The following UNC13B variants were observed in gnomAD, a reference collection of about 807,000 sequenced individuals.
UNC13B encodes the protein unc-13 homolog B.
In UNC13B, 144 loss-of-function variants were observed where a neutral mutation model predicts 211.0. That is an observed-to-expected ratio of 0.68 (90% confidence interval 0.60 to 0.78). The LOEUF is 0.78. Among genes scored for constraint, UNC13B ranks in the 30% least tolerant of loss-of-function variants. The pLI is 0.00. For synonymous variants in UNC13B, 709 were observed against 725.8 expected (o/e 0.98, Z 0.37); for missense variants, 1,777 against 2,002.0 (o/e 0.89, Z 2.14).
intron 6 of UNC13B, among the ~76,000 whole-genome samples, chr9:35,243,882 TG>T (rs1192655184): frequency 6.6e-6 from 1 of 152,098 alleles, no homozygotes; most frequent in Non-Finnish European, 1.5e-5. Flanking sequence ...ATGATAAATT[TG>T]TTTATTTTGG....
intron 6 of UNC13B, among the ~76,000 whole-genome samples, chr9:35,244,959 C>T (rs558767234): frequency 4.5e-4 from 68 of 152,306 alleles, no homozygotes; most frequent in African/African-American, 1.5e-3. Context: ...AGCTGTATAA[C>T]TCTTCTCATG....
intron 7 of UNC13B, among the ~76,000 whole-genome samples, chr9:35,276,960 T>A (rs907142450): frequency 6.6e-6 from 1 of 152,200 alleles, no homozygotes; most frequent in Non-Finnish European, 1.5e-5. Flanking sequence ...CTCATCATTA[T>A]CCTTTAGTAT....
intron 1 of UNC13B, among the ~76,000 whole-genome samples, chr9:35,221,489 G>C (rs1296313917): frequency 6.6e-6 from 1 of 152,144 alleles, no homozygotes; most frequent in Non-Finnish European, 1.5e-5. Context: ...TTAATCACTT[G>C]TCAGAAGAAT....
rs181589154 is a variant in UNC13B, at chr9:35,281,202, A to G, written c.527-14494A>G. 2.6e-4 allele frequency among the ~76,000 whole-genome samples: 39 copies of G among 150,596 alleles called. No individual in the cohort carries two copies. In the East Asian group the frequency reaches 6.6e-3, roughly 26 times the overall value. ...GAGACGGAGGTTGCAGTGAGCCGAGATCACGCCACTGCACTCCAGCCTGGT... is the reference window on the plus strand; with the variant it reads ...GAGACGGAGGTTGCAGTGAGCCGAGGTCACGCCACTGCACTCCAGCCTGGT... On this transcript the variant is annotated intron_variant, in intron 7 of 39. Coordinates refer to ENST00000635942, the MANE Select transcript of UNC13B (RefSeq NM_001371189.2).
intron 1 of UNC13B, among the ~76,000 whole-genome samples, chr9:35,225,584 A>G (rs1171289333): frequency 6.6e-6 from 1 of 151,506 alleles, no homozygotes; most frequent in East Asian, 1.9e-4. Context: ...TTGCTGGGGA[A>G]AGGTGTTTTG....
rs570067855 is a variant in UNC13B at position 35,226,846 on chromosome 9, A to T, written c.23-1169A>T. The stretch of plus-strand genomic sequence containing the variant: ...ATCTCCTTTGGCAACACCCTTACAG[A>T]CACAGCCAGGAACAATACTTTGCAT... On this transcript the variant is annotated intron_variant, in intron 1 of 39. Coordinates refer to ENST00000635942, the MANE Select transcript of UNC13B (RefSeq NM_001371189.2). 8.5e-3 allele frequency among the ~76,000 whole-genome samples: 1,300 copies of T among 152,346 alleles called. 12 individuals carry two copies. The highest frequency in any genetic ancestry group is 0.03 in the African/African-American group (1,230 of 41,582).
intron 1 of UNC13B, among the ~76,000 whole-genome samples, chr9:35,177,311 T>C (rs1821692330): frequency 6.6e-6 from 1 of 151,880 alleles, no homozygotes; most frequent in Non-Finnish European, 1.5e-5. Flanking sequence ...AACAAAACTA[T>C]AGGGCCTTGT....
intron 1 of UNC13B, among the ~76,000 whole-genome samples, chr9:35,192,887 C>T (rs1303403952): frequency 1.3e-5 from 2 of 152,132 alleles, no homozygotes; most frequent in African/African-American, 2.4e-5. Flanking sequence ...TCTTTTTTCA[C>T]CTTCCTTTTG....
intron 11 of UNC13B, among the ~76,000 whole-genome samples, chr9:35,344,470 C>A (rs1832227225): frequency 6.6e-6 from 1 of 152,180 alleles, no homozygotes; most frequent in African/African-American, 2.4e-5. Context: ...GCTCTGCCAT[C>A]AATTCATTTA....
rs955142669 is a variant in UNC13B, at chr9:35,303,274, T to C, written c.3870T>C (p.Ile1290=). 14 of 398,356 alleles carry C rather than the reference T, an allele frequency of 3.5e-5. No individual in the cohort carries two copies. Among genetic ancestry groups the C allele is most frequent in the African/African-American group, 2.5e-4 (12 of 48,614 alleles). The allele number at this position is 398,356 out of a possible 1,614,324, so 24.7% of individuals were successfully genotyped here. A position where few individuals can be genotyped will look rare whatever the true frequency, so the allele number is the denominator to read the frequency against. ...SEKHHPSSEN[I]VLHCAPSAQL... ...AGCATCACCCCTCCTCTGAGAACATTGTACTTCACTGTGCTCCAAGTGCTC... is the reference window on the plus strand; with the variant it reads ...AGCATCACCCCTCCTCTGAGAACATCGTACTTCACTGTGCTCCAAGTGCTC... Residue 1290 remains isoleucine, a synonymous_variant, in exon 9 of 40, where the codon ATT becomes ATC. Coordinates refer to ENST00000635942, the MANE Select transcript of UNC13B (RefSeq NM_001371189.2).
chr9:35,329,697 C>T (rs183742494), intron 11 of UNC13B, among the ~76,000 whole-genome samples: 2 of 152,136 alleles, frequency 1.3e-5, no homozygotes, highest in East Asian at 1.9e-4. Context: ...CTATGTTGCC[C>T]AGGCTGGTCT....
At chr9:35,235,275 A>G (rs901829589) in intron 3 of UNC13B, among the ~76,000 whole-genome samples, 7 of 152,180 alleles carry the variant, frequency 4.6e-5, no homozygotes, top group African/African-American at 1.7e-4. Context: ...AATTTTGCTT[A>G]TAAGTGACAG....
At chr9:35,375,305 T>G (rs1834327807) in intron 14 of UNC13B, 104 bp downstream of exon 14, 1 of 1,212,774 alleles carries the variant, frequency 8.2e-7, no homozygotes, top group Admixed American at 1.7e-5. Flanking sequence ...TCAAGAGTGC[T>G]GGACACACAT....
At chr9:35,333,451 G>A (rs1831479392) in intron 11 of UNC13B, among the ~76,000 whole-genome samples, 1 of 152,186 alleles carries the variant, frequency 6.6e-6, no homozygotes, top group Non-Finnish European at 1.5e-5. Flanking sequence ...TTGCCTCAGT[G>A]GATGAATAAG....
chr9:35,215,503 T>A (rs1824202847), intron 1 of UNC13B, among the ~76,000 whole-genome samples: 1 of 152,238 alleles, frequency 6.6e-6, no homozygotes, highest in African/African-American at 2.4e-5. Context: ...ATAAAGTTCC[T>A]GACAACAATA....
chr9:35,399,244 T>C lies in UNC13B; in HGVS notation c.12158T>C (p.Met4053Thr). Reference sequence around the variant, plus strand: ...CTCTGGCGCGTGGTGATGAACACAATGGAGAGGATGATTGTTCTGCCCCCA... The same window carrying C: ...CTCTGGCGCGTGGTGATGAACACAACGGAGAGGATGATTGTTCTGCCCCCA... ...KELWRVVMNT[M>T]ERMIVLPPLT... is the part of the protein sequence containing the mutation. The change falls in exon 34 of 40, where the codon ATG becomes ACG. Residue 4053 changes from methionine to threonine, a missense_variant. By Grantham distance (81) the Met-to-Thr change is moderately conservative (BLOSUM62 -1). Coordinates refer to ENST00000635942, the MANE Select transcript of UNC13B (RefSeq NM_001371189.2). 1.2e-6 allele frequency: 2 copies of C among 1,614,050 alleles called. No individual in the cohort carries two copies. The highest frequency in any genetic ancestry group is 1.7e-6 in the Non-Finnish European group (2 of 1,180,010).
At chr9:35,195,662 G>A (rs961824152) in intron 1 of UNC13B, among the ~76,000 whole-genome samples, 1 of 152,104 alleles carries the variant, frequency 6.6e-6, no homozygotes, top group African/African-American at 2.4e-5. Context: ...TGTTCATAAG[G>A]TCTCAAATAC....
intron 11 of UNC13B, among the ~76,000 whole-genome samples, chr9:35,324,373 A>G (rs2131927668): frequency 6.6e-6 from 1 of 152,340 alleles, no homozygotes; most frequent in Admixed American, 6.5e-5. Flanking sequence ...CAGAAACTTC[A>G]GTATACTTAG....
intron 15 of UNC13B, 27 bp from the exon 16 acceptor site, chr9:35,377,441 A>G: frequency 1.2e-6 from 2 of 1,610,766 alleles, no homozygotes; most frequent in Non-Finnish European, 1.7e-6. Context: ...CTGGTAGGTG[A>G]CCTGTTGTGT....
Sources: gnomAD v4.1 joint callset for allele counts (sites outside exome capture counted in the v4.1 genomes callset) on GRCh38, gnomAD v4.1.1 for gene constraint, MANE v1.5 for transcripts, NCBI Gene and HGNC (gene_info 2026-07-23, HGNC 2026-07-21) for gene names.